The following TUBGCP5 variants were observed in gnomAD, a reference collection of about 807,000 sequenced individuals.
TUBGCP5 encodes tubulin gamma complex component 5.
In TUBGCP5, 98 loss-of-function variants were observed where a neutral mutation model predicts 134.7. The observed-to-expected ratio is 0.73, with a 90% CI of 0.62 to 0.86. The LOEUF (loss-of-function observed/expected upper bound fraction) is 0.86. Among genes scored for constraint, TUBGCP5 ranks in the 40% least tolerant of loss-of-function variants. The pLI is 0.00. For missense variants in TUBGCP5, 1,150 were observed against 1,244.8 expected (o/e 0.92, Z 1.15); for synonymous variants, 456 against 431.4 (o/e 1.06, Z -0.71).
intron 16 of TUBGCP5, chr15:23,008,345 C>T (rs753432577): frequency 6.5e-6 from 2 of 305,692 alleles, no homozygotes; most frequent in Non-Finnish European, 1.2e-5. Context: ...TGGCTCACTG[C>T]AACCTCTGCC....
chr15:23,006,203 C>A, intron 17 of TUBGCP5, 31 bp from the exon 18 acceptor site: 1 of 1,610,392 alleles, frequency 6.2e-7, no homozygotes, highest in East Asian at 2.2e-5. Context: ...TAGAAAGTAA[C>A]CAATTACTTG....
At position 23,010,089 on chromosome 15, in the gene TUBGCP5, C is replaced by T. The variant is rs2064951207; in HGVS notation, c.2000G>A (p.Gly667Asp). Residue 667 changes from glycine (G) to aspartate (D), a missense_variant, in exon 15 of 23, where the codon GGT becomes GAT. Transcript: ENST00000615383. The part of the protein sequence containing the change: ...QSDFHEKFAG[G>D]DVCVDRSSES... Reference sequence around the variant, plus strand: ...CGATGATCTATCCACACATACATCACCACCAGCAAACTTCTCGTGAAAGTC... The same window carrying T: ...CGATGATCTATCCACACATACATCATCACCAGCAAACTTCTCGTGAAAGTC... 6.2e-7 allele frequency: 1 copy of T among 1,614,030 alleles called. No individual in the cohort carries two copies. Among genetic ancestry groups the T allele is most frequent in the Admixed American group, 1.7e-5 (1 of 60,004 alleles).
At chr15:23,014,594 A>G (rs1401114993) in intron 13 of TUBGCP5, among the ~76,000 whole-genome samples, 1 of 127,216 alleles carries the variant, frequency 7.9e-6, no homozygotes, top group Non-Finnish European at 1.8e-5. Context: ...ATGGGCTGCC[A>G]CTGGCAGATA....
rs1447606683 is a variant in TUBGCP5, at chr15:23,037,020, A to C, written c.201-15T>G. The C allele has an allele frequency of 3.8e-6, 6 of 1,593,266 alleles. No individual in the cohort carries two copies. The highest frequency in any genetic ancestry group is 4.3e-6 in the Non-Finnish European group (5 of 1,169,630). ...TTTCATAAATTCTAAAATATAAGAA[A>C]AGATTATAAAGCTATCTTAAAAAGA... is the stretch of plus-strand genomic sequence containing the variant. On this transcript the variant is annotated splice_polypyrimidine_tract_variant and intron_variant, in intron 2 of 22. Coordinates refer to ENST00000615383, the MANE Select transcript of TUBGCP5 (RefSeq NM_052903.6).
downstream of TUBGCP5, among the ~76,000 whole-genome samples, chr15:22,998,250 GGTT>G (rs2064185902): frequency 1.3e-5 from 2 of 152,152 alleles, no homozygotes; most frequent in African/African-American, 4.8e-5. Context: ...AGGAGGCAGA[GGTT>G]GTAGTGAGCC....
At chr15:23,003,328 C>T (rs987055092) in intron 20 of TUBGCP5, among the ~76,000 whole-genome samples, 175 bp from the exon 21 acceptor site, 3 of 152,212 alleles carry the variant, frequency 2.0e-5, no homozygotes, top group Non-Finnish European at 4.4e-5. Flanking sequence ...CAGGCACATG[C>T]ATTCACTGAA....
chr15:23,038,660 G>A (rs2066732862), intron 1 of TUBGCP5, among the ~76,000 whole-genome samples: 1 of 152,018 alleles, frequency 6.6e-6, no homozygotes, highest in South Asian at 2.1e-4. Context: ...AAATTAAACA[G>A]GTAGAATATT....
chr15:22,983,990 G>A (rs761732099), intron 23 of TUBGCP5, among the ~76,000 whole-genome samples: 2 of 152,008 alleles, frequency 1.3e-5, no homozygotes, highest in African/African-American at 2.4e-5. Context: ...CATAGTAGGC[G>A]GTGCCTGTGG....
chr15:23,039,359 G>C (rs1313853898), intron 1 of TUBGCP5, 39 bp downstream of exon 1: 2 of 1,366,418 alleles, frequency 1.5e-6, no homozygotes, highest in Admixed American at 3.1e-5. Context: ...CGGGCTCCGG[G>C]CTGTGGCCGG....
At chr15:23,022,231 TGGC>T in intron 10 of TUBGCP5, 70 bp from the exon 11 acceptor site, 1 of 1,522,760 alleles carries the variant, frequency 6.6e-7, no homozygotes, top group East Asian at 2.3e-5. Context: ...ACATAAATGC[TGGC>T]AAATCATCAG....
In TUBGCP5 at chr15:23,024,170, T is replaced by C. The variant is rs2065868663; in HGVS notation, c.945A>G (p.Glu315=). Residue 315 remains glutamate, a synonymous_variant, in exon 10 of 23, where the codon GAA becomes GAG. Coordinates refer to ENST00000615383, the MANE Select transcript of TUBGCP5 (RefSeq NM_052903.6). ...LTHSCLRSVL[E]QIAAYGQVVF... ...CAACCTGGCCATATGCTGCTATTTG[T>C]TCCAGCACAGATCGTAAACAGCTCT... 6.2e-7 allele frequency: 1 copy of C among 1,614,092 alleles called. No homozygotes were observed. The highest frequency in any genetic ancestry group is 8.5e-7 in the Non-Finnish European group (1 of 1,179,980).
At chr15:23,029,172 T>C (rs1354459745) in intron 6 of TUBGCP5, among the ~76,000 whole-genome samples, 1 of 152,174 alleles carries the variant, frequency 6.6e-6, no homozygotes, top group Admixed American at 6.5e-5. Flanking sequence ...CCAAATTAGA[T>C]CTATAAATTC....
chr15:23,029,893 TG>T (rs145736959), intron 6 of TUBGCP5, among the ~76,000 whole-genome samples: 6,006 of 140,322 alleles, frequency 0.043, 400 homozygotes, highest in African/African-American at 0.15. Flanking sequence ...AAAAAGGGGG[TG>T]GGGGGGAAGA....
In TUBGCP5 at chr15:23,024,800, T is replaced by C; in HGVS notation, c.858A>G (p.Ile286Met). 1 of 1,597,386 alleles carries C rather than the reference T, an allele frequency of 6.3e-7. No homozygotes were observed. The highest frequency in any genetic ancestry group is 8.6e-7 in the Non-Finnish European group (1 of 1,169,158). ...WLLSGVKKLFIFQLIDGKVTV... is the reference protein window; with the variant it reads ...WLLSGVKKLFMFQLIDGKVTV... ...TTACCTTCCCATCTATCAACTGAAA[T>C]ATAAAGAGCTTTTTCACTCCTGAAA... is the stretch of plus-strand genomic sequence containing the variant. Residue 286 changes from isoleucine to methionine, a missense_variant, in exon 9 of 23, where the codon ATA (isoleucine) becomes ATG (methionine). Coordinates refer to ENST00000615383, the MANE Select transcript of TUBGCP5 (RefSeq NM_052903.6).
intron 6 of TUBGCP5, among the ~76,000 whole-genome samples, chr15:23,027,626 T>C (rs1208919571): frequency 6.6e-6 from 1 of 151,686 alleles, no homozygotes; most frequent in Non-Finnish European, 1.5e-5. Context: ...GATGGTGGCA[T>C]GTGCTTGTTC....
chr15:23,011,629 C>A (rs984411167), intron 13 of TUBGCP5, among the ~76,000 whole-genome samples: 2 of 149,274 alleles, frequency 1.3e-5, no homozygotes, highest in African/African-American at 4.9e-5. Context: ...CTCAGCCTCC[C>A]AAGTAGCTGG....
rs370879671 is a variant in TUBGCP5, at chr15:22,988,560, C to T, written c.*62-4949G>A. ...CATCCTGGCTAACACAGTGAAACCC[C>T]GTCTCTACTAGAAAATACAAAAAAA... On this transcript the variant is annotated intron_variant and NMD_transcript_variant, in intron 23 of 23. Coordinates refer to the TUBGCP5 transcript ENST00000614508. 5.2e-4 allele frequency among the ~76,000 whole-genome samples: 79 copies of T among 151,340 alleles called. No homozygotes were observed. The South Asian group carries it at 6.7e-3, about 13-fold the overall frequency.
chr15:23,011,478 A>AAT lies in TUBGCP5; in HGVS notation c.1757-149_1757-148dup, dbSNP rs1274279399. ...AAATATTAAATATATGTAAATATTA[A>AAT]ATATATATATTTATATATAGTAACA... On this transcript the variant is annotated intron_variant, in intron 13 of 22. Transcript: ENST00000615383. 7 of 247,032 alleles carry AAT rather than the reference A, an allele frequency of 2.8e-5. 1 individual carries two copies. The highest frequency in any genetic ancestry group is 9.2e-5 in the African/African-American group (4 of 43,574). The allele number at this position is 247,032 out of a possible 1,614,324, so 15.3% of individuals were successfully genotyped here.
rs1192997794 is a variant in TUBGCP5, at chr15:23,022,162, C to G, written c.1169-1G>C. 6.2e-7 allele frequency: 1 copy of G among 1,613,638 alleles called. No individual in the cohort carries two copies. The highest frequency in any genetic ancestry group is 8.5e-7 in the Non-Finnish European group (1 of 1,179,670). ...ACTATTGCAAGAGTTATTGTAGTAT[C>G]TGCAAATATCAATAAATCAAACTCA... On this transcript the variant is annotated splice_acceptor_variant, in intron 10 of 22. Transcript: ENST00000615383. LOFTEE classifies it high-confidence loss of function.
Sources: gnomAD v4.1 joint callset for allele counts (sites outside exome capture counted in the v4.1 genomes callset) on GRCh38, gnomAD v4.1.1 for gene constraint, MANE v1.5 for transcripts, NCBI Gene and HGNC (gene_info 2026-07-23, HGNC 2026-07-21) for gene names.